The following ABHD17B variants were observed in gnomAD, a reference collection of about 807,000 sequenced individuals.
ABHD17B encodes alpha/beta hydrolase domain-containing protein 17B.
In ABHD17B, 9 loss-of-function variants were observed where a neutral mutation model predicts 26.2. That is an observed-to-expected ratio of 0.34 (90% CI 0.21 to 0.60). ABHD17B has a LOEUF of 0.60. ABHD17B is among the 20% of genes least tolerant of loss of function. ABHD17B has a pLI of 0.80. For missense variants in ABHD17B, 224 were observed against 352.1 expected (o/e 0.64, Z 2.91); for synonymous variants, 127 against 122.3 (o/e 1.04, Z -0.25).
chr9:71,865,104 T>C (rs1825917751), downstream of ABHD17B: 1 of 963,034 alleles, frequency 1.0e-6, no homozygotes, highest in Non-Finnish European at 1.2e-6. Flanking sequence ...TTTTTCACTC[T>C]TTCTAGTGTG....
chr9:71,889,686 C>T (rs1286359772), intron 1 of ABHD17B, among the ~76,000 whole-genome samples: 2 of 151,996 alleles, frequency 1.3e-5, no homozygotes, highest in African/African-American at 4.8e-5. Context: ...AAGAATCATT[C>T]AAAAATAACT....
chr9:71,862,473 G>A, downstream of ABHD17B: 3 of 1,280,300 alleles, frequency 2.3e-6, no homozygotes, highest in Admixed American at 3.3e-5. Flanking sequence ...ATAAGTTTAT[G>A]TCATATAATT....
At position 71,866,678 on chromosome 9, in the gene ABHD17B, T is replaced by A. The variant is rs924360419; in HGVS notation, c.*109A>T. The A allele has an allele frequency of 4.0e-6, 6 of 1,488,266 alleles. No individual in the cohort carries two copies. In the African/African-American group the frequency reaches 8.5e-5, roughly 21 times the overall value. 92.2% of individuals were successfully genotyped at this position (1,488,266 alleles called of 1,614,324 possible). On this transcript the variant is annotated 3_prime_UTR_variant, in exon 4 of 4. Coordinates refer to ENST00000333421, the MANE Select transcript of ABHD17B (RefSeq NM_001025780.3). ...TAACAAATCATTACCTGTACATTTA[T>A]GAAGGCAACTGACATGATTTGCAAA...
At chr9:71,897,036 A>G (rs993292773) in intron 1 of ABHD17B, among the ~76,000 whole-genome samples, 1 of 152,224 alleles carries the variant, frequency 6.6e-6, no homozygotes, top group Non-Finnish European at 1.5e-5. Context: ...TTGGAGACAC[A>G]TGAATTTATA....
chr9:71,876,636 T>C (rs1463025983), intron 1 of ABHD17B, among the ~76,000 whole-genome samples: 2 of 150,726 alleles, frequency 1.3e-5, no homozygotes, highest in Admixed American at 6.6e-5. Flanking sequence ...AATATAAGAA[T>C]AGGGGGAAAA....
At chr9:71,910,475 C>G (rs1053002299) in intron 1 of ABHD17B, among the ~76,000 whole-genome samples, 159 bp downstream of exon 1, 2 of 152,148 alleles carry the variant, frequency 1.3e-5, no homozygotes, top group East Asian at 3.9e-4. Context: ...CCGCCTTTCC[C>G]CTGTGCCGAG....
In ABHD17B at chr9:71,866,234, T is replaced by C; in HGVS notation, c.*553A>G. 1.0e-6 allele frequency: 1 copy of C among 981,368 alleles called. No individual in the cohort carries two copies. Among genetic ancestry groups the C allele is most frequent in the Middle Eastern group, 5.2e-4 (1 of 1,910 alleles). 60.8% of individuals were successfully genotyped at this position (981,368 alleles called of 1,614,324 possible). A position where few individuals can be genotyped will look rare whatever the true frequency, so the allele number is the denominator to read the frequency against. On this transcript the variant is annotated 3_prime_UTR_variant, in exon 4 of 4. Transcript: ENST00000333421. ...AGGATAAATGTATGTAATCAGAGTA[T>C]ACAGAAAATTCAATGTATTTTACAA...
intron 1 of ABHD17B, among the ~76,000 whole-genome samples, chr9:71,897,217 C>A (rs140549911): frequency 2.8e-4 from 43 of 152,190 alleles, no homozygotes; most frequent in Non-Finnish European, 5.0e-4. Context: ...CATTAAACTT[C>A]TTGTAACCTT....
At chr9:71,868,887 C>T (rs1006615271) in intron 3 of ABHD17B, among the ~76,000 whole-genome samples, 9 of 152,118 alleles carry the variant, frequency 5.9e-5, no homozygotes, top group Non-Finnish European at 1.3e-4. Flanking sequence ...CGGGGTTTCA[C>T]CATGTTGGCC....
At chr9:71,910,158 C>A (rs746312054) in intron 1 of ABHD17B, among the ~76,000 whole-genome samples, 41 of 152,008 alleles carry the variant, frequency 2.7e-4, no homozygotes, top group Non-Finnish European at 4.7e-4. Flanking sequence ...AAATCGCGCC[C>A]GACAGAGATA....
At chr9:71,862,508 C>A (rs967737133), downstream of ABHD17B, 5 of 1,520,000 alleles carry the variant, frequency 3.3e-6, no homozygotes, top group South Asian at 1.2e-5. Context: ...GTATATTAAT[C>A]CAGTTAAGTT....
chr9:71,893,909 G>A (rs1826871478), intron 1 of ABHD17B, among the ~76,000 whole-genome samples: 1 of 152,036 alleles, frequency 6.6e-6, no homozygotes, highest in African/African-American at 2.4e-5. Flanking sequence ...CTAACATGGT[G>A]AAACCCTGTC....
At chr9:71,897,158 T>C (rs77945059) in intron 1 of ABHD17B, among the ~76,000 whole-genome samples, 1,657 of 152,284 alleles carry the variant, frequency 0.011, 14 homozygotes, top group Non-Finnish European at 0.017. Context: ...GAATAACCTA[T>C]AAAACTAATT....
chr9:71,881,881 C>T (rs774683755), intron 1 of ABHD17B, among the ~76,000 whole-genome samples: 5 of 149,372 alleles, frequency 3.3e-5, no homozygotes, highest in South Asian at 2.1e-4. Context: ...GCAAGACTCC[C>T]GTCTCAAAAA....
Position 71,866,787 on chromosome 9 carries a change from T to G in ABHD17B, c.867A>C (p.Ter289TyrextTer4). The G allele has an allele frequency of 6.2e-7, 1 of 1,613,986 alleles. No individual in the cohort carries two copies. Among genetic ancestry groups the G allele is most frequent in the Non-Finnish European group, 8.5e-7 (1 of 1,179,936 alleles). ...QFVSQELVNL[*>Y] Reference sequence around the variant, plus strand: ...CCCAGTAGCAAATTTACAGAATATTTTACAAATTTACCAGTTCCTGTGACA... The same window carrying G: ...CCCAGTAGCAAATTTACAGAATATTGTACAAATTTACCAGTTCCTGTGACA... Residue 289 changes from the stop codon to tyrosine (Y), a stop_lost, in exon 4 of 4, where the codon TAA becomes TAC. Coordinates refer to ENST00000333421, the MANE Select transcript of ABHD17B (RefSeq NM_001025780.3).
At chr9:71,904,930 T>C (rs895847775) in intron 1 of ABHD17B, among the ~76,000 whole-genome samples, 1 of 152,194 alleles carries the variant, frequency 6.6e-6, no homozygotes, top group East Asian at 1.9e-4. Flanking sequence ...CCTCATTATA[T>C]ACAAACAGTT....
intron 1 of ABHD17B, among the ~76,000 whole-genome samples, chr9:71,894,809 A>G (rs1354278743): frequency 3.9e-5 from 6 of 152,174 alleles, no homozygotes; most frequent in Non-Finnish European, 8.8e-5. Flanking sequence ...CTAGGTGACA[A>G]AGCAAGAACA....
At chr9:71,902,889 G>A (rs767078368) in intron 1 of ABHD17B, among the ~76,000 whole-genome samples, 2 of 152,096 alleles carry the variant, frequency 1.3e-5, no homozygotes, top group Non-Finnish European at 2.9e-5. Flanking sequence ...AAATTCAGAA[G>A]CCAAACAAGT....
chr9:71,894,401 A>G (rs1826894804), intron 1 of ABHD17B, among the ~76,000 whole-genome samples: 1 of 152,134 alleles, frequency 6.6e-6, no homozygotes, highest in Non-Finnish European at 1.5e-5. Context: ...GCTGGAGTGC[A>G]GTGGCACCAT....
Sources: gnomAD v4.1 joint callset for allele counts (sites outside exome capture counted in the v4.1 genomes callset) on GRCh38, gnomAD v4.1.1 for gene constraint, MANE v1.5 for transcripts, NCBI Gene and HGNC (gene_info 2026-07-23, HGNC 2026-07-21) for gene names.